Variants in ACER3 observed in about 807,000 individuals in gnomAD.
ACER3 encodes alkaline ceramidase 3.
A neutral mutation model predicts 48.9 loss-of-function variants in ACER3; 16 were observed. That is an observed-to-expected ratio of 0.33 (90% CI 0.22 to 0.50). ACER3 has a LOEUF of 0.50. Among genes scored for constraint, ACER3 ranks in the 20% least tolerant of loss-of-function variants. ACER3 has a pLI of 0.98. For missense variants in ACER3, 227 were observed against 326.0 expected (o/e 0.70, Z 2.34); for synonymous variants, 109 against 107.8 (o/e 1.01, Z -0.07).
At chr11:76,956,962 TG>T (rs1947856987) in intron 2 of ACER3, among the ~76,000 whole-genome samples, 1 of 152,270 alleles carries the variant, frequency 6.6e-6, no homozygotes, top group African/African-American at 2.4e-5. Context: ...TTTTCTCAGG[TG>T]GCTTCATACA....
intron 5 of ACER3, among the ~76,000 whole-genome samples, chr11:76,989,525 G>A (rs1301821591): frequency 6.6e-6 from 1 of 152,138 alleles, no homozygotes; most frequent in African/African-American, 2.4e-5. Context: ...AGGAGGTATA[G>A]TTTGAGTTGA....
rs1946107515 is a variant in ACER3, at chr11:76,902,559, A to T, written c.104-23998A>T. Among the ~76,000 whole-genome samples, 5 of 152,354 alleles carry T rather than the reference A, an allele frequency of 3.3e-5. No homozygotes were observed. In the South Asian group the frequency reaches 1.0e-3, roughly 32 times the overall value. On this transcript the variant is annotated intron_variant, in intron 1 of 10. Coordinates refer to ENST00000532485, the MANE Select transcript of ACER3 (RefSeq NM_018367.7). ...AGCTGCAGACCTTAAAGTACAGTAC[A>T]TATGAAGCAATTAAACCTTTTCTTG...
At chr11:76,980,087 A>G (rs1203050784) in intron 4 of ACER3, among the ~76,000 whole-genome samples, 4 of 152,038 alleles carry the variant, frequency 2.6e-5, no homozygotes, top group Admixed American at 6.5e-5. Flanking sequence ...GCAGTGAACC[A>G]TGATTGTGCC....
At chr11:76,910,390 A>G (rs1384633326) in intron 1 of ACER3, among the ~76,000 whole-genome samples, 1 of 152,158 alleles carries the variant, frequency 6.6e-6, no homozygotes, top group Non-Finnish European at 1.5e-5. Flanking sequence ...TTTCTAACAA[A>G]TTATTATAGA....
At position 77,000,927 on chromosome 11, in the gene ACER3, A is replaced by G. The variant is rs576968066; in HGVS notation, c.497+2106A>G. On this transcript the variant is annotated intron_variant, in intron 7 of 10. Coordinates refer to ENST00000532485, the MANE Select transcript of ACER3 (RefSeq NM_018367.7). The stretch of plus-strand genomic sequence containing the variant: ...CTTTCCATATAAAGTTTAGAATAAT[A>G]TTGTCTAAATTTAAAATCTTGTTGA... Among the ~76,000 whole-genome samples, 13 of 152,154 alleles carry G rather than the reference A, an allele frequency of 8.5e-5. 1 individual carries two copies. Among genetic ancestry groups the G allele is most frequent in the African/African-American group, 3.1e-4 (13 of 41,506 alleles).
chr11:76,865,715 G>T (rs1411464922), intron 1 of ACER3, among the ~76,000 whole-genome samples: 1 of 151,780 alleles, frequency 6.6e-6, no homozygotes, highest in Non-Finnish European at 1.5e-5. Flanking sequence ...CACCATGTTG[G>T]CCAGGCTGGT....
intron 5 of ACER3, among the ~76,000 whole-genome samples, chr11:76,988,295 T>C (rs530561647): frequency 1.3e-5 from 2 of 152,328 alleles, no homozygotes; most frequent in African/African-American, 4.8e-5. Flanking sequence ...ATTTACTTGT[T>C]TCCACATTAC....
intron 7 of ACER3, among the ~76,000 whole-genome samples, chr11:76,999,684 G>A (rs1221050361): frequency 1.3e-5 from 2 of 152,046 alleles, no homozygotes; most frequent in African/African-American, 2.4e-5. Flanking sequence ...CTGCATTTCT[G>A]TTTTTGTCAT....
At chr11:76,889,812 A>G (rs1390307313) in intron 1 of ACER3, among the ~76,000 whole-genome samples, 1 of 151,518 alleles carries the variant, frequency 6.6e-6, no homozygotes, top group Non-Finnish European at 1.5e-5. Context: ...TGTATGTTTA[A>G]TTATTCTATT....
chr11:77,007,423 G>C (rs1376023688), intron 7 of ACER3, among the ~76,000 whole-genome samples: 2 of 152,140 alleles, frequency 1.3e-5, no homozygotes, highest in African/African-American at 4.8e-5. Flanking sequence ...TTTGGCCTCT[G>C]TTGGCAAGCC....
intron 2 of ACER3, among the ~76,000 whole-genome samples, chr11:76,934,052 C>T (rs113603433): frequency 0.11 from 16,186 of 151,542 alleles, 2,868 homozygotes; most frequent in African/African-American, 0.37. Flanking sequence ...AGACAATGGG[C>T]GGCCGGGCAG....
At chr11:76,968,367 C>A (rs1230550908) in intron 3 of ACER3, among the ~76,000 whole-genome samples, 1 of 152,078 alleles carries the variant, frequency 6.6e-6, no homozygotes, top group Non-Finnish European at 1.5e-5. Context: ...GCCATACTGC[C>A]CAAGGTAATT....
At chr11:76,931,966 T>C (rs1460055549) in intron 2 of ACER3, among the ~76,000 whole-genome samples, 4 of 151,380 alleles carry the variant, frequency 2.6e-5, no homozygotes, top group Non-Finnish European at 5.9e-5. Flanking sequence ...TTTTTTTTTT[T>C]TTGACAGAGT....
At chr11:76,910,333 T>C in intron 1 of ACER3, among the ~76,000 whole-genome samples, 1 of 152,164 alleles carries the variant, frequency 6.6e-6, no homozygotes, top group South Asian at 2.1e-4. Flanking sequence ...TATTTCTTAC[T>C]GCTTTCTGAA....
intron 7 of ACER3, among the ~76,000 whole-genome samples, chr11:77,001,286 C>T (rs1277879693): frequency 3.3e-5 from 5 of 152,060 alleles, no homozygotes; most frequent in African/African-American, 7.2e-5. Context: ...GACAGAGTCT[C>T]GCACTGTCTC....
In ACER3 at chr11:76,865,526, C is replaced by T. The variant is rs1300490143; in HGVS notation, c.103+4447C>T. Among the ~76,000 whole-genome samples, 396 of 139,766 alleles carry T rather than the reference C, an allele frequency of 2.8e-3. 3 individuals carry two copies. The highest frequency in any genetic ancestry group is 0.01 in the African/African-American group (364 of 36,048). The allele number at this position is 139,766 out of a possible 152,430, so 91.7% of individuals were successfully genotyped here. ...CTCAGATTGCATTTTTTTTTTTTTT[C>T]CAGACGGAATCTCGCTCTGTCACCC... is the stretch of plus-strand genomic sequence containing the variant. On this transcript the variant is annotated intron_variant, in intron 1 of 10. Transcript: ENST00000532485.
intron 2 of ACER3, among the ~76,000 whole-genome samples, chr11:76,937,642 C>T (rs578218791): frequency 2.1e-4 from 32 of 152,142 alleles, no homozygotes; most frequent in Non-Finnish European, 4.1e-4. Context: ...AAAATATACA[C>T]ATTACTTATT....
At chr11:76,898,218 T>C (rs959688398) in intron 1 of ACER3, among the ~76,000 whole-genome samples, 8 of 152,202 alleles carry the variant, frequency 5.3e-5, no homozygotes, top group African/African-American at 1.4e-4. Flanking sequence ...TAACTCTAAG[T>C]ATTATGAAAA....
chr11:76,918,953 C>T (rs1946609993), intron 1 of ACER3, among the ~76,000 whole-genome samples: 4 of 144,786 alleles, frequency 2.8e-5, no homozygotes, highest in Admixed American at 2.1e-4. Flanking sequence ...TGAAGATCTG[C>T]ATAATCAGTA....
Sources: allele counts gnomAD v4.1 joint callset (sites outside exome capture counted in the v4.1 genomes callset), GRCh38; gene constraint gnomAD v4.1.1; transcripts MANE v1.5; gene names NCBI Gene and HGNC (gene_info 2026-07-23, HGNC 2026-07-21).